The following ANK3 variants were observed in gnomAD, a reference collection of about 807,000 sequenced individuals.
ANK3 encodes the protein ankyrin 3, also known as ankyrin-3.
In ANK3, 57 loss-of-function variants were observed where a neutral mutation model predicts 370.9. The ratio of observed to expected loss-of-function variants is 0.15; its 90% CI spans 0.12 to 0.19. ANK3 has a LOEUF of 0.19. Among genes scored for constraint, ANK3 ranks in the 10% least tolerant of loss-of-function variants. ANK3 has a pLI of 1.00. For missense variants in ANK3, 4,439 were observed against 5,302.1 expected (o/e 0.84, Z 5.06); for synonymous variants, 1,929 against 1,946.3 (o/e 0.99, Z 0.23).
chr10:60,695,447 C>T (rs2079432243), intron 1 of ANK3, among the ~76,000 whole-genome samples: 1 of 152,156 alleles, frequency 6.6e-6, no homozygotes. Context: ...ACAGAATATA[C>T]ATTTTTTTCA....
rs758020654 is a variant in ANK3 at position 60,071,931 on chromosome 10, C to G, written c.8950G>C (p.Ala2984Pro). The G allele has an allele frequency of 6.2e-7, 1 of 1,613,882 alleles. No individual in the cohort carries two copies. ...NIPDGFCEQS[A>P]FPKHELSQKL... ...TGTGATAGTTCATGTTTTGGAAATG[C>G]CGACTGTTCACAAAAACCATCGGGA... The change falls in exon 37 of 44, where the codon GCA becomes CCA. Residue 2984 changes from alanine (A) to proline (P), a missense_variant. This residue lies in a region of ANK3 where 1,601 missense variants were observed against 1,731.7 expected (regional missense o/e 0.92). Coordinates refer to ENST00000280772, the MANE Select transcript of ANK3 (RefSeq NM_020987.5).
chr10:60,487,787 TCAC>T (rs2075388710), intron 2 of ANK3, among the ~76,000 whole-genome samples: 5 of 151,688 alleles, frequency 3.3e-5, no homozygotes, highest in Non-Finnish European at 7.4e-5. Flanking sequence ...CGATCTCGGC[TCAC>T]CACAACCTCT....
At chr10:60,152,955 C>G (rs1197183538) in intron 23 of ANK3, among the ~76,000 whole-genome samples, 1 of 152,060 alleles carries the variant, frequency 6.6e-6, no homozygotes, top group African/African-American at 2.4e-5. Flanking sequence ...ACATAATATA[C>G]AACTCAGCAA....
intron 1 of ANK3, among the ~76,000 whole-genome samples, chr10:60,360,428 G>A (rs1433557280): frequency 3.9e-5 from 6 of 152,162 alleles, no homozygotes; most frequent in Non-Finnish European, 7.3e-5. Flanking sequence ...ACTATCTAGG[G>A]CCTGGAGCGT....
At chr10:60,121,661 A>G (rs1471208276) in intron 25 of ANK3, among the ~76,000 whole-genome samples, 1 of 148,142 alleles carries the variant, frequency 6.8e-6, no homozygotes, top group East Asian at 2.0e-4. Context: ...ACTGCACTCC[A>G]GTCTAGGTGA....
rs1292292435 is a variant in ANK3 at position 60,226,735 on chromosome 10, ATAG to A, written c.897+7950_897+7952del. Among the ~76,000 whole-genome samples, 40 of 144,324 alleles carry A rather than the reference ATAG, an allele frequency of 2.8e-4. No individual in the cohort carries two copies. In the Admixed American group the frequency reaches 2.8e-3, roughly 10 times the overall value. 94.7% of individuals were successfully genotyped at this position (144,324 alleles called of 152,430 possible). A position where few individuals can be genotyped will look rare whatever the true frequency, so the allele number is the denominator to read the frequency against. ...ATAATACATAGTATTCATTATATAA[ATAG>A]TATATTATAAAGTAATATTAATATT... On this transcript the variant is annotated intron_variant, in intron 8 of 43. Transcript: ENST00000280772.
chr10:60,409,990 T>C (rs2063527219), intron 2 of ANK3, among the ~76,000 whole-genome samples: 2 of 152,088 alleles, frequency 1.3e-5, no homozygotes, highest in African/African-American at 4.8e-5. Context: ...TCCCCTCTGG[T>C]CCACTACCAG....
At chr10:60,542,547 G>GA (rs898663228) in intron 2 of ANK3, among the ~76,000 whole-genome samples, 7 of 151,716 alleles carry the variant, frequency 4.6e-5, no homozygotes, top group Non-Finnish European at 5.9e-5. Flanking sequence ...AAAGAAAGGG[G>GA]AAAAAAATCA....
At chr10:60,551,880 C>G (rs1051977362) in intron 2 of ANK3, among the ~76,000 whole-genome samples, 1 of 152,106 alleles carries the variant, frequency 6.6e-6, no homozygotes, top group Admixed American at 6.6e-5. Context: ...GTCATCAATG[C>G]CTTGTTTCAC....
intron 1 of ANK3, among the ~76,000 whole-genome samples, chr10:60,721,968 T>C (rs147629585): frequency 4.0e-4 from 61 of 152,300 alleles, no homozygotes; most frequent in African/African-American, 1.3e-3. Flanking sequence ...TTTTGAATGA[T>C]AGGCTGAACC....
chr10:60,426,061 A>G (rs1012620509), intron 2 of ANK3, among the ~76,000 whole-genome samples: 13 of 152,094 alleles, frequency 8.5e-5, no homozygotes, highest in African/African-American at 3.1e-4. Flanking sequence ...GGAAGCAAAA[A>G]TATTTGAAAA....
intron 17 of ANK3, among the ~76,000 whole-genome samples, chr10:60,184,425 G>A (rs1036382967): frequency 1.3e-5 from 2 of 152,206 alleles, no homozygotes; most frequent in Non-Finnish European, 2.9e-5. Flanking sequence ...ATTTACAAAT[G>A]CCTTCTTATT....
At chr10:60,621,836 T>C (rs942146461) in intron 1 of ANK3, among the ~76,000 whole-genome samples, 2 of 152,166 alleles carry the variant, frequency 1.3e-5, no homozygotes, top group African/African-American at 2.4e-5. Flanking sequence ...GCTGATAATA[T>C]AGTGGCAACT....
intron 1 of ANK3, among the ~76,000 whole-genome samples, chr10:60,661,408 C>T (rs1019968927): frequency 1.3e-5 from 2 of 151,984 alleles, no homozygotes; most frequent in Admixed American, 6.6e-5. Flanking sequence ...TAATGCCCTT[C>T]GGGGAGTCCT....
intron 2 of ANK3, among the ~76,000 whole-genome samples, chr10:60,395,651 T>TC (rs1491131560): frequency 2.0e-5 from 3 of 149,956 alleles, no homozygotes; most frequent in African/African-American, 7.4e-5. Flanking sequence ...TCTCTCTCTC[T>TC]TTCTTTCTTT....
intron 2 of ANK3, among the ~76,000 whole-genome samples, chr10:60,463,111 T>A (rs2064928556): frequency 1.3e-5 from 2 of 152,052 alleles, no homozygotes; most frequent in African/African-American, 4.8e-5. Flanking sequence ...ACCACCTTTT[T>A]CAAGCTGGTC....
intron 1 of ANK3, among the ~76,000 whole-genome samples, chr10:60,651,808 A>T (rs2078792625): frequency 6.6e-6 from 1 of 152,192 alleles, no homozygotes; most frequent in South Asian, 2.1e-4. Context: ...GAAGCACTAT[A>T]CAAGTGTTTG....
At chr10:60,517,513 C>A (rs1046339046) in intron 2 of ANK3, among the ~76,000 whole-genome samples, 2 of 152,022 alleles carry the variant, frequency 1.3e-5, no homozygotes, top group Admixed American at 1.3e-4. Context: ...GAATTTGGGG[C>A]CACGTGTATG....
At chr10:60,452,429 AC>A (rs2064631510) in intron 2 of ANK3, among the ~76,000 whole-genome samples, 1 of 152,238 alleles carries the variant, frequency 6.6e-6, no homozygotes, top group African/African-American at 2.4e-5. Context: ...CAGCCTCCGC[AC>A]TGAGAAACTG....
Sources: allele counts gnomAD v4.1 joint callset (sites outside exome capture counted in the v4.1 genomes callset), GRCh38; gene constraint gnomAD v4.1.1; regional missense constraint gnomAD v4.1.1; transcripts MANE v1.5; gene names NCBI Gene and HGNC (gene_info 2026-07-23, HGNC 2026-07-21).